The following STPG2 variants were observed in gnomAD, a reference collection of about 807,000 sequenced individuals.
STPG2 encodes the protein sperm tail PG-rich repeat containing 2.
STPG2 carries 56 observed loss-of-function variants against 54.2 expected under a neutral mutation model. The ratio of observed to expected loss-of-function variants is 1.03; its 90% CI spans 0.83 to 1.29. STPG2 has a LOEUF of 1.29. Ranked by LOEUF, STPG2 falls within the 50% of genes most tolerant of loss-of-function variation. The probability of loss-of-function intolerance (pLI) is 0.00; values close to 1 mark genes in which losing one functional copy is unlikely to be tolerated. For missense variants in STPG2, 596 were observed against 544.9 expected (o/e 1.09, Z -0.93); for synonymous variants, 200 against 181.8 (o/e 1.10, Z -0.81).
chr4:97,876,336 C>CT (rs1277452879), intron 8 of STPG2, among the ~76,000 whole-genome samples: 1 of 152,016 alleles, frequency 6.6e-6, no homozygotes, highest in African/African-American at 2.4e-5. Context: ...TAGAAAAGGT[C>CT]TTAAACCCTA....
chr4:97,978,667 T>C (rs1372447972), intron 6 of STPG2, among the ~76,000 whole-genome samples: 3 of 151,970 alleles, frequency 2.0e-5, no homozygotes, highest in Non-Finnish European at 4.4e-5. Context: ...AAATAAAAGT[T>C]AAAAATAAAT....
chr4:97,947,808 G>T (rs1733297430), intron 7 of STPG2, among the ~76,000 whole-genome samples: 1 of 151,972 alleles, frequency 6.6e-6, no homozygotes, highest in Admixed American at 6.6e-5. Flanking sequence ...CAGCTATCTA[G>T]TATTTTGTTG....
intron 5 of STPG2, among the ~76,000 whole-genome samples, chr4:98,046,110 C>G (rs929540925): frequency 3.4e-5 from 2 of 58,940 alleles, no homozygotes; most frequent in African/African-American, 1.5e-4. Flanking sequence ...TTCAAATTCA[C>G]TGATCATTTC....
At chr4:97,892,402 A>C (rs900691182) in intron 8 of STPG2, among the ~76,000 whole-genome samples, 2 of 152,104 alleles carry the variant, frequency 1.3e-5, no homozygotes, top group Non-Finnish European at 2.9e-5. Context: ...ACAGAATAAC[A>C]GTCTATTGCC....
intron 4 of STPG2, among the ~76,000 whole-genome samples, chr4:97,444,370 T>A: frequency 6.6e-6 from 1 of 152,160 alleles, no homozygotes; most frequent in East Asian, 1.9e-4. Context: ...AAATTGACTT[T>A]TTTTAACGCA....
At chr4:98,117,953 T>C (rs970555761) in intron 3 of STPG2, among the ~76,000 whole-genome samples, 1 of 152,136 alleles carries the variant, frequency 6.6e-6, no homozygotes, top group African/African-American at 2.4e-5. Flanking sequence ...AATTTCTTTT[T>C]CTGTATATGG....
At chr4:97,690,914 G>C (rs1184188294) in intron 10 of STPG2, among the ~76,000 whole-genome samples, 1 of 152,180 alleles carries the variant, frequency 6.6e-6, no homozygotes, top group Non-Finnish European at 1.5e-5. Flanking sequence ...TAAACAGGTT[G>C]AATCAATCCT....
At chr4:97,796,001 T>C (rs1373661661) in intron 9 of STPG2, among the ~76,000 whole-genome samples, 2 of 152,236 alleles carry the variant, frequency 1.3e-5, no homozygotes, top group African/African-American at 4.8e-5. Flanking sequence ...ATGTCTTCCT[T>C]TGAGTAGTGT....
intron 9 of STPG2, among the ~76,000 whole-genome samples, chr4:97,823,763 G>A (rs563553786): frequency 1.1e-4 from 17 of 152,250 alleles, no homozygotes; most frequent in South Asian, 2.1e-4. Context: ...GGCTAACTCC[G>A]GGTAAGTGGG....
intron 4 of STPG2, among the ~76,000 whole-genome samples, chr4:97,473,021 C>T (rs1210175634): frequency 6.6e-6 from 1 of 152,140 alleles, no homozygotes; most frequent in South Asian, 2.1e-4. Context: ...CCAATCAATA[C>T]CTTTGTGATT....
intron 10 of STPG2, among the ~76,000 whole-genome samples, chr4:97,585,403 G>A (rs1732972227): frequency 6.6e-6 from 1 of 151,876 alleles, no homozygotes; most frequent in South Asian, 2.1e-4. Context: ...AAACACCAAG[G>A]TGGCTGAGGT....
intron 9 of STPG2, among the ~76,000 whole-genome samples, chr4:97,828,494 AT>A (rs905555922): frequency 2.6e-4 from 39 of 148,362 alleles, no homozygotes; most frequent in East Asian, 1.4e-3. Flanking sequence ...GCTGCGGGAG[AT>A]TTTTTTTTTT....
intron 8 of STPG2, among the ~76,000 whole-genome samples, chr4:97,847,944 A>C (rs1051412675): frequency 5.9e-5 from 9 of 152,174 alleles, no homozygotes; most frequent in African/African-American, 1.7e-4. Flanking sequence ...ATGAGCTCCA[A>C]AATACTTATT....
intron 5 of STPG2, among the ~76,000 whole-genome samples, chr4:98,036,584 C>T (rs1736787676): frequency 1.3e-5 from 2 of 151,660 alleles, no homozygotes; most frequent in South Asian, 4.2e-4. Flanking sequence ...CGTATTCTGT[C>T]TTATAAGTGG....
intron 4 of STPG2, among the ~76,000 whole-genome samples, chr4:97,525,676 G>A (rs1397638096): frequency 6.6e-6 from 1 of 151,818 alleles, no homozygotes; most frequent in Admixed American, 6.6e-5. Flanking sequence ...CCATAACTCA[G>A]GAAAATCAGT....
chr4:97,737,767 AC>A (rs1308793438), intron 9 of STPG2, among the ~76,000 whole-genome samples: 1 of 152,244 alleles, frequency 6.6e-6, no homozygotes, highest in Non-Finnish European at 1.5e-5. Context: ...GGAGAATGGA[AC>A]CAAGCTGGAA....
intron 5 of STPG2, among the ~76,000 whole-genome samples, chr4:98,002,796 A>G (rs1735452093): frequency 6.6e-6 from 1 of 152,132 alleles, no homozygotes; most frequent in Non-Finnish European, 1.5e-5. Flanking sequence ...CGTTTTTTAA[A>G]GTTTTTTAAA....
chr4:97,714,631 T>G (rs1234169948), intron 9 of STPG2, among the ~76,000 whole-genome samples: 6 of 152,164 alleles, frequency 3.9e-5, no homozygotes, highest in Non-Finnish European at 8.8e-5. Context: ...AATTTATATT[T>G]ATAGTGCAGA....
intron 10 of STPG2, among the ~76,000 whole-genome samples, chr4:97,569,518 C>T (rs898743983): frequency 6.6e-5 from 10 of 151,824 alleles, no homozygotes; most frequent in South Asian, 2.1e-4. Flanking sequence ...AAGATGGAAT[C>T]GCCTCGATTC....
Sources: gnomAD v4.1 joint callset for allele counts (sites outside exome capture counted in the v4.1 genomes callset) on GRCh38, gnomAD v4.1.1 for gene constraint, MANE v1.5 for transcripts, NCBI Gene and HGNC (gene_info 2026-07-23, HGNC 2026-07-21) for gene names.